BHMT2: variants seen among roughly 807,000 people sequenced by gnomAD.
BHMT2 encodes the protein S-methylmethionine--homocysteine S-methyltransferase BHMT2.
In BHMT2, 28 loss-of-function variants were observed where a neutral mutation model predicts 39.0. The observed-to-expected ratio is 0.72, with a 90% confidence interval of 0.53 to 0.98. The LOEUF is 0.98. Ranked by LOEUF, BHMT2 falls within the 50% of genes least tolerant of loss-of-function variation. The pLI is 0.00. For missense variants in BHMT2, 410 were observed against 455.6 expected (o/e 0.90, Z 0.91); for synonymous variants, 145 against 160.6 (o/e 0.90, Z 0.74).
intron 1 of BHMT2, among the ~76,000 whole-genome samples, chr5:79,074,568 A>C (rs1755637601): frequency 6.6e-6 from 1 of 152,208 alleles, no homozygotes; most frequent in Non-Finnish European, 1.5e-5. Flanking sequence ...TATATCAAGC[A>C]ATATGGCCAA....
In BHMT2 at chr5:79,083,736, A is replaced by C; in HGVS notation, c.890A>C (p.His297Pro). 2 of 1,613,986 alleles carry C rather than the reference A, an allele frequency of 1.2e-6. No individual in the cohort carries two copies. Among genetic ancestry groups the C allele is most frequent in the Non-Finnish European group, 1.7e-6 (2 of 1,179,996 alleles). Residue 297 changes from histidine (H) to proline (P), a missense_variant, in exon 7 of 8, where the codon CAC (histidine) becomes CCC (proline). His to Pro is a moderately conservative substitution (Grantham distance 77). Transcript: ENST00000255192. ...IGGCCGFEPY[H>P]IRAIAEELAP... is the part of the protein sequence containing the mutation. ...GGGTGCTGTGGATTTGAGCCCTACCACATCAGGGCAATTGCAGAGGAGCTG... is the reference window on the plus strand; with the variant it reads ...GGGTGCTGTGGATTTGAGCCCTACCCCATCAGGGCAATTGCAGAGGAGCTG...
At chr5:79,083,508 A>C in intron 6 of BHMT2, 120 bp from the exon 7 acceptor site, 2 of 1,466,154 alleles carry the variant, frequency 1.4e-6, no homozygotes, top group South Asian at 2.8e-5. Flanking sequence ...AAAATGAGCT[A>C]TCAGAAGAAT....
chr5:79,072,392 T>C (rs1580245285), intron 1 of BHMT2, among the ~76,000 whole-genome samples: 1 of 152,228 alleles, frequency 6.6e-6, no homozygotes, highest in East Asian at 1.9e-4. Context: ...AAATATATAC[T>C]ACAATTTTCT....
chr5:79,085,837 C>T (rs1755882384), intron 7 of BHMT2, among the ~76,000 whole-genome samples: 1 of 152,210 alleles, frequency 6.6e-6, no homozygotes, highest in African/African-American at 2.4e-5. Context: ...GGCCAGCGCG[C>T]TGCTTCTCTT....
At chr5:79,088,291 A>T (rs1307019177) in intron 7 of BHMT2, among the ~76,000 whole-genome samples, 1 of 151,970 alleles carries the variant, frequency 6.6e-6, no homozygotes, top group African/African-American at 2.4e-5. Flanking sequence ...ATGGATATGG[A>T]CACAGTTTTC....
chr5:79,086,543 C>A (rs915362263), intron 7 of BHMT2, among the ~76,000 whole-genome samples: 2 of 152,136 alleles, frequency 1.3e-5, no homozygotes, highest in Non-Finnish European at 2.9e-5. Flanking sequence ...GAAAAACGTT[C>A]ACTGCAGAAC....
At chr5:79,081,043 T>C (rs1361641846) in intron 4 of BHMT2, 165 bp downstream of exon 4, 6 of 613,906 alleles carry the variant, frequency 9.8e-6, no homozygotes, top group Middle Eastern at 2.8e-4. Context: ...CATTCCCTCA[T>C]TGGTATGCTA....
At chr5:79,083,026 A>G (rs1755819542) in intron 5 of BHMT2, 70 bp downstream of exon 5, 2 of 1,598,028 alleles carry the variant, frequency 1.3e-6, no homozygotes, top group Non-Finnish European at 1.7e-6. Context: ...TGTGCTTGAT[A>G]TTGTGAGAGC....
In BHMT2 at chr5:79,082,849, T is replaced by C. The variant is rs768384975; in HGVS notation, c.491T>C (p.Val164Ala). Residue 164 changes from valine (V) to alanine (A), a missense_variant, in exon 5 of 8, where the codon GTC becomes GCC. Val to Ala is a moderately conservative substitution (Grantham distance 64). Coordinates refer to ENST00000255192, the MANE Select transcript of BHMT2 (RefSeq NM_017614.5). ...HVEEAVWAVE[V>A]LKESDRPVAV... is the part of the protein sequence containing the mutation. ...GAAGAAGCTGTGTGGGCTGTGGAAGTCTTAAAAGAATCAGATAGACCCGTG... is the reference window on the plus strand; with the variant it reads ...GAAGAAGCTGTGTGGGCTGTGGAAGCCTTAAAAGAATCAGATAGACCCGTG... 6.2e-7 allele frequency: 1 copy of C among 1,614,152 alleles called. No homozygotes were observed. The highest frequency in any genetic ancestry group is 1.1e-5 in the South Asian group (1 of 91,078).
In BHMT2 at chr5:79,082,973, C is replaced by T. The variant is rs1755816351; in HGVS notation, c.598+17C>T. On this transcript the variant is annotated intron_variant, in intron 5 of 7. Coordinates refer to ENST00000255192, the MANE Select transcript of BHMT2 (RefSeq NM_017614.5). ...TGAAGGCAGGTAATTTGGACCCATA[C>T]CGTGATACACAGCTCAGTTGTTGCT... 1.2e-6 allele frequency: 2 copies of T among 1,613,812 alleles called. No homozygotes were observed. The highest frequency in any genetic ancestry group is 2.7e-5 in the African/African-American group (2 of 74,998).
chr5:79,080,775 C>A lies in BHMT2; in HGVS notation c.347C>A (p.Thr116Lys), dbSNP rs1419233285. The change falls in exon 4 of 8, where the codon ACA becomes AAA. Residue 116 changes from threonine to lysine, a missense_variant. Physicochemically the swap from Thr to Lys is moderately conservative, Grantham distance 78 (BLOSUM62 -1). Coordinates refer to ENST00000255192, the MANE Select transcript of BHMT2 (RefSeq NM_017614.5). Reference sequence around the variant, plus strand: ...TTGGTAGCAGGGGGGATCTGCCAGACATCAATATACAAATACCAGAAGGAT... The same window carrying A: ...TTGGTAGCAGGGGGGATCTGCCAGAAATCAATATACAAATACCAGAAGGAT... ...DALVAGGICQ[T>K]SIYKYQKDEA... 6.2e-7 allele frequency: 1 copy of A among 1,605,212 alleles called. No individual in the cohort carries two copies. Among genetic ancestry groups the A allele is most frequent in the Non-Finnish European group, 8.5e-7 (1 of 1,177,282 alleles).
At chr5:79,079,846 C>T (rs928202855) in intron 3 of BHMT2, among the ~76,000 whole-genome samples, 5 of 152,278 alleles carry the variant, frequency 3.3e-5, no homozygotes, top group Non-Finnish European at 5.9e-5. Flanking sequence ...GCCGAGATCA[C>T]ACCACTGCAC....
chr5:79,077,130 C>T (rs1046578848), intron 1 of BHMT2, among the ~76,000 whole-genome samples: 2 of 152,156 alleles, frequency 1.3e-5, no homozygotes, highest in Non-Finnish European at 2.9e-5. Context: ...GGCATTGTCC[C>T]CCCACACAAA....
At chr5:79,070,443 G>C (rs1755542235) in intron 1 of BHMT2, among the ~76,000 whole-genome samples, 1 of 152,168 alleles carries the variant, frequency 6.6e-6, no homozygotes. Flanking sequence ...TCCTGGTCTG[G>C]TCACCAGATG....
intron 2 of BHMT2, chr5:79,077,904 A>C (rs989910156): frequency 1.7e-5 from 4 of 228,828 alleles, no homozygotes; most frequent in Non-Finnish European, 3.4e-5. Flanking sequence ...ATCCACACAC[A>C]CCCCACATCC....
intron 3 of BHMT2, among the ~76,000 whole-genome samples, chr5:79,079,751 C>T (rs1161663669): frequency 6.6e-6 from 1 of 152,088 alleles, no homozygotes; most frequent in Non-Finnish European, 1.5e-5. Context: ...CAAAAATTAG[C>T]TGGGTGTGGT....
At chr5:79,083,546 A>G (rs1236646790) in intron 6 of BHMT2, 82 bp from the exon 7 acceptor site, 1 of 1,533,226 alleles carries the variant, frequency 6.5e-7, no homozygotes, top group Non-Finnish European at 8.8e-7. Context: ...TAGTTTTTTT[A>G]ATTGGAAAAA....
At chr5:79,079,562 C>A (rs1755743918) in intron 3 of BHMT2, 102 bp downstream of exon 3, 1 of 820,248 alleles carries the variant, frequency 1.2e-6, no homozygotes, top group Non-Finnish European at 2.0e-6. Context: ...TACTTTATTA[C>A]AAAGTCCATA....
In BHMT2 at chr5:79,083,269, C is replaced by G; in HGVS notation, c.676C>G (p.Leu226Val). 1 of 1,614,196 alleles carries G rather than the reference C, an allele frequency of 6.2e-7. No homozygotes were observed. The highest frequency in any genetic ancestry group is 8.5e-7 in the Non-Finnish European group (1 of 1,180,038). The change falls in exon 6 of 8, where the codon CTT (leucine) becomes GTT (valine). Residue 226 changes from leucine (L) to valine (V), a missense_variant. By Grantham distance (32) the Leu-to-Val change is conservative (BLOSUM62 1). Transcript: ENST00000255192. Reference protein sequence around the residue: ...LKTMELMKEGLEWAGLKAHLM... With the variant: ...LKTMELMKEGVEWAGLKAHLM... ...GACGATGGAGCTCATGAAGGAGGGT[C>G]TTGAGTGGGCAGGGCTGAAAGCGCA...
Sources: allele counts gnomAD v4.1 joint callset (sites outside exome capture counted in the v4.1 genomes callset), GRCh38; gene constraint gnomAD v4.1.1; transcripts MANE v1.5; gene names NCBI Gene and HGNC (gene_info 2026-07-23, HGNC 2026-07-21).